Variants in ARHGEF7 observed in about 807,000 individuals in gnomAD.
ARHGEF7 encodes PAK-interacting exchange factor beta.
Under a neutral mutation model 109.8 loss-of-function variants are expected in ARHGEF7, and 33 were observed. The ratio of observed to expected loss-of-function variants is 0.30; its 90% CI spans 0.23 to 0.40. The LOEUF is 0.40. ARHGEF7 is among the 10% of genes least tolerant of loss of function. The pLI is 1.00. For missense variants in ARHGEF7, 938 were observed against 1,098.5 expected (o/e 0.85, Z 2.07); for synonymous variants, 458 against 424.6 (o/e 1.08, Z -0.97).
intron 19 of ARHGEF7, chr13:111,295,214 T>C (rs2093400995): frequency 2.0e-6 from 2 of 985,218 alleles, no homozygotes; most frequent in Non-Finnish European, 2.4e-6. Context: ...TTAATATTTG[T>C]TACATGGGGG....
chr13:111,255,176 G>A lies in ARHGEF7; in HGVS notation c.950+10882G>A, dbSNP rs1226158949. On this transcript the variant is annotated intron_variant, in intron 8 of 21. Coordinates refer to ENST00000646102, the MANE Select transcript of ARHGEF7 (RefSeq NM_001354046.2). The surrounding 1 kb of genome is among the most constrained non-coding windows in gnomAD (Gnocchi z 4.1). ...AAGAGGATTCGGGCTAAGGCGCTGA[G>A]TCGCTAACGTGAAGGCCGGGCTCAG... 6.6e-6 allele frequency among the ~76,000 whole-genome samples: 1 copy of A among 150,378 alleles called. No individual in the cohort carries two copies. The highest frequency in any genetic ancestry group is 1.5e-5 in the Non-Finnish European group (1 of 67,720).
intron 19 of ARHGEF7, among the ~76,000 whole-genome samples, chr13:111,297,388 G>T (rs1212928111): frequency 2.0e-5 from 3 of 152,174 alleles, no homozygotes; most frequent in African/African-American, 4.8e-5. Flanking sequence ...CCTTACATTT[G>T]TGTATCCCTA....
chr13:111,205,263 T>A, intron 2 of ARHGEF7, 26 bp from the exon 3 acceptor site: 1 of 1,576,690 alleles, frequency 6.3e-7, no homozygotes, highest in South Asian at 1.2e-5. Flanking sequence ...CTCTACTAAT[T>A]TTGCTTGTTT....
chr13:111,295,581 A>T lies in ARHGEF7; in HGVS notation c.2311+3287A>T, dbSNP rs559430552. Among the ~76,000 whole-genome samples, 1,368 of 152,340 alleles carry T rather than the reference A, an allele frequency of 9.0e-3. 21 individuals carry two copies. Among genetic ancestry groups the T allele is most frequent in the African/African-American group, 0.031 (1,294 of 41,564 alleles). ...TATAAAGTGCTTATCCAGCTAAGAG[A>T]GTAATGAAGCAAAATAAAGGGAAAG... On this transcript the variant is annotated intron_variant, in intron 19 of 21. Coordinates refer to ENST00000646102, the MANE Select transcript of ARHGEF7 (RefSeq NM_001354046.2).
intron 9 of ARHGEF7, among the ~76,000 whole-genome samples, chr13:111,269,770 G>GT (rs1336607315): frequency 1.3e-5 from 2 of 152,194 alleles, no homozygotes; most frequent in Non-Finnish European, 2.9e-5. Flanking sequence ...CACCACGAGA[G>GT]TTCCCGCTGT....
At chr13:111,264,843 CTG>C (rs947580474) in intron 8 of ARHGEF7, among the ~76,000 whole-genome samples, 2 of 152,124 alleles carry the variant, frequency 1.3e-5, no homozygotes, top group African/African-American at 4.8e-5. Flanking sequence ...TTTCTATTGT[CTG>C]TATTATTTAC....
chr13:111,253,972 G>T (rs114390893), intron 8 of ARHGEF7, among the ~76,000 whole-genome samples: 6 of 152,182 alleles, frequency 3.9e-5, no homozygotes, highest in South Asian at 2.1e-4. Flanking sequence ...TGGTTCTGCC[G>T]TGTTCTCTGG....
intron 1 of ARHGEF7, among the ~76,000 whole-genome samples, chr13:111,121,589 C>T (rs762024732): frequency 2.6e-5 from 4 of 151,624 alleles, no homozygotes; most frequent in Admixed American, 6.6e-5. Flanking sequence ...GTAGGCTTGA[C>T]GCCCACGCGT....
chr13:111,133,763 TTATATATATA>T (rs763290549), intron 1 of ARHGEF7, among the ~76,000 whole-genome samples: 7 of 7,374 alleles, frequency 9.5e-4, no homozygotes, highest in African/African-American at 1.1e-3. Context: ...CTGCTTTTCT[TTATATATATA>T]TATATATATA....
At chr13:111,144,338 C>T (rs982552589) in intron 1 of ARHGEF7, 3 of 152,232 alleles carry the variant, frequency 2.0e-5, no homozygotes, top group Non-Finnish European at 2.9e-5. Context: ...TTCCAGTAAA[C>T]GACTTGCTTA....
chr13:111,248,439 G>A (rs964984381), intron 8 of ARHGEF7, among the ~76,000 whole-genome samples: 4 of 152,200 alleles, frequency 2.6e-5, no homozygotes, highest in Admixed American at 6.5e-5. Flanking sequence ...GAATTTGCGG[G>A]CATTATTTCT....
chr13:111,115,178 G>C (rs1327655391), upstream of ARHGEF7: 2 of 146,708 alleles, frequency 1.4e-5, no homozygotes, highest in Non-Finnish European at 3.0e-5. Context: ...GCACGGCCTG[G>C]AGCGGAGGCT....
chr13:111,151,943 C>T (rs576822952), intron 1 of ARHGEF7, among the ~76,000 whole-genome samples: 1 of 151,656 alleles, frequency 6.6e-6, no homozygotes, highest in East Asian at 1.9e-4. Context: ...ATAAGGTGAT[C>T]CAAATTTTTC....
chr13:111,301,536 C>T lies in ARHGEF7; in HGVS notation c.2466+4C>T, dbSNP rs187365869. ...TGAAGTTCAAGAATTAAGACAGGTA[C>T]GTCATAATCCATCTTTAAATCTTTT... On this transcript the variant is annotated splice_donor_region_variant and intron_variant, in intron 21 of 21. Coordinates refer to ENST00000646102, the MANE Select transcript of ARHGEF7 (RefSeq NM_001354046.2). 3.5e-4 allele frequency: 561 copies of T among 1,596,680 alleles called. 3 individuals are homozygous for T. In the Admixed American group the frequency reaches 7.3e-3, roughly 21 times the overall value.
intron 1 of ARHGEF7, chr13:111,143,629 C>A (rs1243514369): frequency 6.6e-6 from 1 of 152,238 alleles, no homozygotes; most frequent in Non-Finnish European, 1.5e-5. Context: ...CAATCTTCGA[C>A]CACCAGACTC....
At chr13:111,286,993 G>A (rs115346411) in intron 17 of ARHGEF7, among the ~76,000 whole-genome samples, 3,261 of 152,250 alleles carry the variant, frequency 0.021, 121 homozygotes, top group African/African-American at 0.075. Context: ...TTGGTCCTTT[G>A]CCTTCACTGC....
At chr13:111,180,018 G>A (rs1162893424) in intron 2 of ARHGEF7, among the ~76,000 whole-genome samples, 1 of 152,080 alleles carries the variant, frequency 6.6e-6, no homozygotes, top group Non-Finnish European at 1.5e-5. Context: ...ACCCCCAAAC[G>A]TTTCACTGAT....
intron 2 of ARHGEF7, among the ~76,000 whole-genome samples, chr13:111,196,878 T>C (rs147292981): frequency 0.011 from 1,620 of 152,272 alleles, 25 homozygotes; most frequent in African/African-American, 0.037. Flanking sequence ...CAGGATAGTA[T>C]TGTAATTTAT....
chr13:111,278,684 C>T (rs2092623866), intron 13 of ARHGEF7, among the ~76,000 whole-genome samples: 1 of 152,204 alleles, frequency 6.6e-6, no homozygotes, highest in Admixed American at 6.5e-5. Context: ...ACTACAGTTT[C>T]CCCCAAACTA....
Sources: gnomAD v4.1 joint callset for allele counts (sites outside exome capture counted in the v4.1 genomes callset) on GRCh38, gnomAD v4.1.1 for gene constraint, Gnocchi (gnomAD v3.1) non-coding constraint, MANE v1.5 for transcripts, NCBI Gene and HGNC (gene_info 2026-07-23, HGNC 2026-07-21) for gene names.